The following PTGS1 variants were observed in gnomAD, a reference collection of about 807,000 sequenced individuals.
PTGS1 encodes prostaglandin-endoperoxide synthase 1.
Under a neutral mutation model 63.0 loss-of-function variants are expected in PTGS1, and 40 were observed. The ratio of observed to expected loss-of-function variants is 0.63; its 90% CI spans 0.49 to 0.83. PTGS1 has a LOEUF of 0.83. PTGS1 is among the 40% of genes least tolerant of loss of function. The pLI is 0.00. For synonymous variants in PTGS1, 298 were observed against 301.9 expected, an observed-to-expected ratio of 0.99 and a Z score of 0.13; for missense variants, 709 against 786.5, an observed-to-expected ratio of 0.90 and a Z score of 1.18.
chr9:122,390,089 C>T lies in PTGS1; in HGVS notation c.1297-109C>T, dbSNP rs575286165. On this transcript the variant is annotated intron_variant, in intron 9 of 10. Transcript: ENST00000362012. ...TGCTAGGCTGCCCAACACTCTCCATCCTAGCTCAGAAGGGACTCCCACTGG... is the reference window on the plus strand; with the variant it reads ...TGCTAGGCTGCCCAACACTCTCCATTCTAGCTCAGAAGGGACTCCCACTGG... 16 of 1,343,314 alleles carry T rather than the reference C, an allele frequency of 1.2e-5. No individual in the cohort carries two copies. The East Asian group carries it at 3.5e-4, about 29-fold the overall frequency. 83.2% of individuals were successfully genotyped at this position (1,343,314 alleles called of 1,614,324 possible). A position where few individuals can be genotyped will look rare whatever the true frequency, so the allele number is the denominator to read the frequency against.
intron 7 of PTGS1, among the ~76,000 whole-genome samples, chr9:122,382,251 A>C (rs569624874): frequency 6.6e-6 from 1 of 152,256 alleles, no homozygotes; most frequent in Non-Finnish European, 1.5e-5. Flanking sequence ...AACAGGTGAA[A>C]TGATTTTAAT....
Position 122,389,976 on chromosome 9 carries a change from A to C in PTGS1, c.1297-222A>C, listed in dbSNP as rs182481531. Among the ~76,000 whole-genome samples, 248 of 150,750 alleles carry C rather than the reference A, an allele frequency of 1.6e-3. 1 individual carries two copies. Among genetic ancestry groups the C allele is most frequent in the African/African-American group, 5.6e-3 (228 of 41,060 alleles). On this transcript the variant is annotated intron_variant, in intron 9 of 10. Coordinates refer to ENST00000362012, the MANE Select transcript of PTGS1 (RefSeq NM_000962.4). ...GACAGTGTCTAAAAAAAAACCCACA[A>C]AAAAAAAATGAGGAAGCTGAGACTC...
intron 9 of PTGS1, among the ~76,000 whole-genome samples, chr9:122,387,033 G>A (rs1309891965): frequency 5.9e-5 from 9 of 152,088 alleles, no homozygotes; most frequent in East Asian, 1.9e-4. Context: ...CCCTTACTGC[G>A]TGTCAGGCAC....
intron 4 of PTGS1, 83 bp downstream of exon 4, chr9:122,378,656 A>C: frequency 6.2e-7 from 1 of 1,607,350 alleles, no homozygotes; most frequent in Non-Finnish European, 8.5e-7. Flanking sequence ...TGATAAGGGT[A>C]GTGGGTGGGG....
intron 9 of PTGS1, among the ~76,000 whole-genome samples, chr9:122,388,586 A>C (rs779029843): frequency 2.0e-5 from 3 of 152,168 alleles, no homozygotes; most frequent in Non-Finnish European, 4.4e-5. Context: ...TGCTGCAACA[A>C]AGTACCACAA....
In PTGS1 at chr9:122,392,494, G is replaced by C. The variant is rs200742375; in HGVS notation, c.1750G>C (p.Ala584Pro). 1.1e-5 allele frequency: 17 copies of C among 1,614,130 alleles called. No individual in the cohort carries two copies. The highest frequency in any genetic ancestry group is 1.4e-5 in the Non-Finnish European group (17 of 1,180,032). The change falls in exon 11 of 11, where the codon GCC (alanine) becomes CCC (proline). Residue 584 changes from alanine (A) to proline (P), a missense_variant. By Grantham distance (27) the Ala-to-Pro change is conservative (BLOSUM62 -1). Transcript: ENST00000362012. ...CPYVSFRVPD[A>P]SQDDGPAVER... Reference sequence around the variant, plus strand: ...CTACGTTTCCTTCCGTGTGCCGGATGCCAGTCAGGATGATGGGCCTGCTGT... The same window carrying C: ...CTACGTTTCCTTCCGTGTGCCGGATCCCAGTCAGGATGATGGGCCTGCTGT...
At position 122,392,457 on chromosome 9, in the gene PTGS1, C is replaced by A. The variant is rs528026128; in HGVS notation, c.1713C>A (p.Thr571=). 9 of 1,614,056 alleles carry A rather than the reference C, an allele frequency of 5.6e-6. No individual in the cohort carries two copies. The highest frequency in any genetic ancestry group is 5.9e-6 in the Non-Finnish European group (7 of 1,180,042). Residue 571 remains threonine, a synonymous_variant, in exon 11 of 11, where the codon ACC becomes ACA. Transcript: ENST00000362012. The stretch of plus-strand genomic sequence containing the variant: ...TGAAGAAGCTGGTCTGCCTCAACAC[C>A]AAGACCTGTCCCTACGTTTCCTTCC... The part of the protein sequence containing the change: ...ATLKKLVCLN[T]KTCPYVSFRV...
In PTGS1 at chr9:122,392,979, TG is replaced by T. The variant is rs1487944119; in HGVS notation, c.*437del. On this transcript the variant is annotated 3_prime_UTR_variant, in exon 11 of 11. Transcript: ENST00000362012. ...GTTCCTGGCTGATGATCCAGAACAGTGGCTCGTATCCCAAATCTGTCAGCAT... is the reference window on the plus strand; with the variant it reads ...GTTCCTGGCTGATGATCCAGAACAGTGCTCGTATCCCAAATCTGTCAGCAT... The T allele has an allele frequency of 6.1e-6, 1 of 162,608 alleles. No homozygotes were observed. The highest frequency in any genetic ancestry group is 2.4e-5 in the African/African-American group (1 of 41,738). The allele number at this position is 162,608 out of a possible 1,614,324, so 10.1% of individuals were successfully genotyped here.
intron 2 of PTGS1, among the ~76,000 whole-genome samples, chr9:122,373,707 C>G (rs1218784142): frequency 6.6e-6 from 1 of 152,254 alleles, no homozygotes; most frequent in Non-Finnish European, 1.5e-5. Context: ...TGCACCTGCT[C>G]TCGCCAGCAC....
At chr9:122,376,985 G>A (rs924784369) in intron 2 of PTGS1, among the ~76,000 whole-genome samples, 5 of 152,172 alleles carry the variant, frequency 3.3e-5, no homozygotes, top group South Asian at 2.1e-4. Context: ...GCAGCAGGGC[G>A]GATGCCAGAG....
chr9:122,383,535 C>G lies in PTGS1; in HGVS notation c.789C>G (p.Pro263=), dbSNP rs201614805. The G allele has an allele frequency of 1.2e-6, 2 of 1,612,244 alleles. No individual in the cohort carries two copies. The highest frequency in any genetic ancestry group is 2.7e-5 in the African/African-American group (2 of 74,892). ...YQVLDGEMYP[P]SVEEAPVLMH... is the part of the protein sequence containing the mutation. ...TGCTGGATGGAGAAATGTACCCGCCCTCGGTAGAAGAGGCGCCTGTGTTGA... is the reference window on the plus strand; with the variant it reads ...TGCTGGATGGAGAAATGTACCCGCCGTCGGTAGAAGAGGCGCCTGTGTTGA... Residue 263 remains proline, a synonymous_variant, in exon 8 of 11, where the codon CCC becomes CCG. Transcript: ENST00000362012.
chr9:122,389,521 T>C (rs1053181678), intron 9 of PTGS1, among the ~76,000 whole-genome samples: 7 of 152,330 alleles, frequency 4.6e-5, no homozygotes, highest in Admixed American at 3.9e-4. Context: ...GCAGCTTTTT[T>C]ATCTTGCCAG....
At chr9:122,388,022 G>T (rs1011300580) in intron 9 of PTGS1, among the ~76,000 whole-genome samples, 2 of 152,154 alleles carry the variant, frequency 1.3e-5, no homozygotes, top group Admixed American at 1.3e-4. Context: ...CCTCTTTGTC[G>T]GTTTCTTTAT....
intron 2 of PTGS1, among the ~76,000 whole-genome samples, chr9:122,376,945 A>C (rs942638843): frequency 6.6e-6 from 1 of 152,080 alleles, no homozygotes; most frequent in African/African-American, 2.4e-5. Context: ...AGATGCCAAG[A>C]GGGATTTCCT....
In PTGS1 at chr9:122,377,984, C is replaced by T; in HGVS notation, c.180C>T (p.Arg60=). 6.2e-7 allele frequency: 1 copy of T among 1,613,762 alleles called. No individual in the cohort carries two copies. Among genetic ancestry groups the T allele is most frequent in the South Asian group, 1.1e-5 (1 of 91,088 alleles). The change falls in exon 3 of 11, where the codon CGC becomes CGT. Residue 60 remains arginine (R), a synonymous_variant. Coordinates refer to ENST00000362012, the MANE Select transcript of PTGS1 (RefSeq NM_000962.4). ...GLDRYQCDCT[R]TGYSGPNCTI... ...ACCGCTACCAGTGTGACTGCACCCG[C>T]ACGGGCTATTCCGGCCCCAACTGCA...
chr9:122,386,420 C>T (rs749214914), intron 8 of PTGS1, 26 bp from the exon 9 acceptor site: 11 of 1,610,436 alleles, frequency 6.8e-6, no homozygotes, highest in South Asian at 6.6e-5. Flanking sequence ...CTTGGCTGAC[C>T]CTATTTCCAA....
Position 122,389,918 on chromosome 9 carries a change from T to A in PTGS1, c.1297-280T>A, listed in dbSNP as rs1838098973. Among the ~76,000 whole-genome samples, 3 of 151,670 alleles carry A rather than the reference T, an allele frequency of 2.0e-5. No homozygotes were observed. In the South Asian group the frequency reaches 6.3e-4, roughly 32 times the overall value. On this transcript the variant is annotated intron_variant, in intron 9 of 10. Transcript: ENST00000362012. ...TTGAGGCTACACTGAGTCAAGATCA[T>A]GCCACTGCACTCCAGCCAGGGCAAC...
At chr9:122,391,428 C>CAT (rs5900525) in intron 10 of PTGS1, among the ~76,000 whole-genome samples, 7 of 99,624 alleles carry the variant, frequency 7.0e-5, no homozygotes, top group Admixed American at 2.4e-4. Flanking sequence ...TATATATATA[C>CAT]ATATATATAT....
chr9:122,382,144 G>T lies in PTGS1; in HGVS notation c.762+397G>T, dbSNP rs10306150. Among the ~76,000 whole-genome samples, 423 of 152,104 alleles carry T rather than the reference G, an allele frequency of 2.8e-3. 2 individuals are homozygous for T. The highest frequency in any genetic ancestry group is 0.014 in the Middle Eastern group (4 of 294). ...AACTCTAGGATGTTCATTCTATGAG[G>T]GCTTTTGTTTAAATCAGAACGGTCC... On this transcript the variant is annotated intron_variant, in intron 7 of 10. Coordinates refer to ENST00000362012, the MANE Select transcript of PTGS1 (RefSeq NM_000962.4).
Sources: gnomAD v4.1 joint callset for allele counts (sites outside exome capture counted in the v4.1 genomes callset) on GRCh38, gnomAD v4.1.1 for gene constraint, MANE v1.5 for transcripts, NCBI Gene and HGNC (gene_info 2026-07-23, HGNC 2026-07-21) for gene names.